Variants in ANK1 observed in about 807,000 individuals in gnomAD.
ANK1 encodes ankyrin-1.
ANK1 carries 51 observed loss-of-function variants against 210.4 expected under a neutral mutation model. The ratio of observed to expected loss-of-function variants is 0.24; its 90% CI spans 0.19 to 0.31. The LOEUF (loss-of-function observed/expected upper bound fraction) is 0.31. Among genes scored for constraint, ANK1 ranks in the 10% least tolerant of loss-of-function variants. The probability of loss-of-function intolerance (pLI) is 1.00; values close to 1 mark genes in which losing one functional copy is unlikely to be tolerated. For missense variants in ANK1, 2,051 were observed against 2,504.4 expected (o/e 0.82, Z 3.86); for synonymous variants, 967 against 1,025.9 (o/e 0.94, Z 1.10).
intron 36 of ANK1, among the ~76,000 whole-genome samples, chr8:41,685,385 T>C (rs1423428932): frequency 6.6e-6 from 1 of 152,234 alleles, no homozygotes; most frequent in Non-Finnish European, 1.5e-5. Flanking sequence ...ATGTAAACAC[T>C]CAATTTCCAC....
intron 2 of ANK1, among the ~76,000 whole-genome samples, chr8:41,747,608 A>G (rs1198869753): frequency 6.6e-6 from 1 of 152,210 alleles, no homozygotes; most frequent in South Asian, 2.1e-4. Flanking sequence ...TGCAGAATTC[A>G]ATGCACCTTC....
chr8:41,750,941 C>T (rs1024957551), intron 2 of ANK1, among the ~76,000 whole-genome samples: 16 of 152,168 alleles, frequency 1.1e-4, no homozygotes, highest in African/African-American at 2.7e-4. Context: ...TCAGCATCAT[C>T]GGAATAGAAC....
chr8:41,892,648 T>C (rs938295169), intron 1 of ANK1, among the ~76,000 whole-genome samples: 2 of 152,170 alleles, frequency 1.3e-5, no homozygotes, highest in Non-Finnish European at 2.9e-5. Context: ...TCTCTATTGC[T>C]TTGCAAATGA....
intron 1 of ANK1, among the ~76,000 whole-genome samples, chr8:41,792,604 C>T (rs375903618): frequency 9.2e-5 from 14 of 152,096 alleles, no homozygotes; most frequent in Non-Finnish European, 1.6e-4. Flanking sequence ...AGCTGTTGCC[C>T]GCCTCCCGCC....
At chr8:41,765,781 C>T (rs891520913) in intron 1 of ANK1, among the ~76,000 whole-genome samples, 2 of 152,170 alleles carry the variant, frequency 1.3e-5, no homozygotes, top group Non-Finnish European at 2.9e-5. Flanking sequence ...TGAGCAGATA[C>T]TAATATAGCA....
chr8:41,723,502 C>T, intron 8 of ANK1, 33 bp downstream of exon 8: 1 of 1,611,490 alleles, frequency 6.2e-7, no homozygotes, highest in South Asian at 1.1e-5. Context: ...ACCTCCCTCC[C>T]CCTGCCTGGC....
intron 1 of ANK1, among the ~76,000 whole-genome samples, chr8:41,833,151 C>G (rs757239751): frequency 3.0e-4 from 45 of 152,114 alleles, no homozygotes; most frequent in Admixed American, 1.2e-3. Context: ...CTGTGTGGAG[C>G]GAGGCCCCAG....
At chr8:41,661,052 T>C (rs1563327039) in intron 42 of ANK1, 1 of 246,618 alleles carries the variant, frequency 4.1e-6, no homozygotes, top group Non-Finnish European at 8.0e-6. Context: ...TTTTTTTTTC[T>C]TTTTTTTGTG....
chr8:41,797,697 G>C (rs551274321), upstream of ANK1: 27 of 1,180,246 alleles, frequency 2.3e-5, no homozygotes, highest in East Asian at 7.7e-4. The surrounding 1 kb of genome is among the most constrained non-coding windows in gnomAD (Gnocchi z 4.0). Flanking sequence ...CGGGCCGGGC[G>C]CTCCCGGCAC....
intron 1 of ANK1, among the ~76,000 whole-genome samples, chr8:41,864,410 C>G (rs1813924898): frequency 6.6e-6 from 1 of 152,140 alleles, no homozygotes; most frequent in South Asian, 2.1e-4. Flanking sequence ...GGACAATCCC[C>G]TGAGCAGAGG....
intron 1 of ANK1, among the ~76,000 whole-genome samples, chr8:41,885,214 G>A (rs1818261608): frequency 6.6e-6 from 1 of 152,182 alleles, no homozygotes; most frequent in East Asian, 1.9e-4. Context: ...GAAATCTGGT[G>A]ATGGTGCTCG....
chr8:41,827,742 GCATA>G (rs1805675804), intron 1 of ANK1, among the ~76,000 whole-genome samples: 1 of 109,226 alleles, frequency 9.2e-6, no homozygotes, highest in Non-Finnish European at 2.0e-5. Context: ...ATCCACACAC[GCATA>G]CATACACCCA....
intron 2 of ANK1, among the ~76,000 whole-genome samples, chr8:41,737,268 C>T (rs1833668182): frequency 6.6e-6 from 1 of 152,162 alleles, no homozygotes; most frequent in Non-Finnish European, 1.5e-5. Flanking sequence ...CACTGAATTC[C>T]AGCCTGGGTG....
At chr8:41,871,110 T>C (rs1815400047) in intron 1 of ANK1, among the ~76,000 whole-genome samples, 11 of 152,198 alleles carry the variant, frequency 7.2e-5, no homozygotes, top group Admixed American at 5.2e-4. Flanking sequence ...TCTGCTACTA[T>C]GACCCACACC....
Position 41,725,663 on chromosome 8 carries a change from C to A in ANK1, c.612+98G>T, listed in dbSNP as rs1051541845. 1.4e-5 allele frequency: 21 copies of A among 1,505,446 alleles called. No individual in the cohort carries two copies. The African/African-American group carries it at 2.6e-4, about 19-fold the overall frequency. The allele number at this position is 1,505,446 out of a possible 1,614,324, so 93.3% of individuals were successfully genotyped here. A position where few individuals can be genotyped will look rare whatever the true frequency, so the allele number is the denominator to read the frequency against. The stretch of plus-strand genomic sequence containing the variant: ...CAGTGCGCACTGCCCGCCCTGCACG[C>A]TCGGTTCTCCTGCCTGGGAAGTCGC... On this transcript the variant is annotated intron_variant, in intron 6 of 42. Transcript: ENST00000289734.
intron 1 of ANK1, among the ~76,000 whole-genome samples, chr8:41,766,404 A>G (rs960954422): frequency 2.6e-5 from 4 of 152,230 alleles, no homozygotes; most frequent in Non-Finnish European, 5.9e-5. Context: ...TTTGCCTTCC[A>G]GAAAGGTGTG....
chr8:41,832,191 A>G (rs1806799540), intron 1 of ANK1, among the ~76,000 whole-genome samples: 1 of 152,190 alleles, frequency 6.6e-6, no homozygotes, highest in Admixed American at 6.5e-5. Flanking sequence ...AATGCTAGAC[A>G]GTATTTTAAA....
Position 41,717,590 on chromosome 8 carries a change from GC to G in ANK1, c.1305+13del. On this transcript the variant is annotated intron_variant, in intron 12 of 42. Transcript: ENST00000289734. Reference sequence around the variant, plus strand: ...GGTCTAGGGGAGCAAGCCCCTGCCTGCCTGAGGGCTTACCACGTTGGAGACG... The same window carrying G: ...GGTCTAGGGGAGCAAGCCCCTGCCTGCTGAGGGCTTACCACGTTGGAGACG... 1.3e-6 allele frequency: 2 copies of G among 1,549,514 alleles called. No individual in the cohort carries two copies. Among genetic ancestry groups the G allele is most frequent in the Non-Finnish European group, 1.7e-6 (2 of 1,145,576 alleles).
At chr8:41,736,614 G>T (rs1833493113) in intron 2 of ANK1, among the ~76,000 whole-genome samples, 1 of 152,206 alleles carries the variant, frequency 6.6e-6, no homozygotes, top group Non-Finnish European at 1.5e-5. Context: ...TGACGGCTGG[G>T]GTTTTAGTGC....
Sources: gnomAD v4.1 joint callset for allele counts (sites outside exome capture counted in the v4.1 genomes callset) on GRCh38, gnomAD v4.1.1 for gene constraint, Gnocchi (gnomAD v3.1) non-coding constraint, MANE v1.5 for transcripts, NCBI Gene and HGNC (gene_info 2026-07-23, HGNC 2026-07-21) for gene names.